COL5A1: variants seen among roughly 807,000 people sequenced by gnomAD.
COL5A1 encodes the protein collagen alpha-1(V) chain.
In COL5A1, 16 loss-of-function variants were observed where a neutral mutation model predicts 263.7. That is an observed-to-expected ratio of 0.06 (90% confidence interval 0.04 to 0.09). The LOEUF is 0.09. Among genes scored for constraint, COL5A1 ranks in the 10% least tolerant of loss-of-function variants. COL5A1 has a pLI of 1.00. For missense variants in COL5A1, 2,036 were observed against 2,540.5 expected, an observed-to-expected ratio of 0.80 and a Z score of 4.27; for synonymous variants, 1,012 against 1,004.5, an observed-to-expected ratio of 1.01 and a Z score of -0.14.
chr9:134,673,266 G>T (rs1028614958), intron 1 of COL5A1, among the ~76,000 whole-genome samples: 1 of 152,138 alleles, frequency 6.6e-6, no homozygotes, highest in East Asian at 1.9e-4. Context: ...TTTGAGACTT[G>T]CTCTAAAGCT....
intron 25 of COL5A1, among the ~76,000 whole-genome samples, chr9:134,772,479 G>C (rs529709160): frequency 8.7e-4 from 132 of 152,350 alleles, no homozygotes; most frequent in African/African-American, 3.0e-3. Flanking sequence ...CCACCGTGCA[G>C]GTCACCTGTG....
At chr9:134,836,009 A>C (rs966675819) in intron 65 of COL5A1, among the ~76,000 whole-genome samples, 2 of 152,192 alleles carry the variant, frequency 1.3e-5, no homozygotes, top group African/African-American at 4.8e-5. Flanking sequence ...GGAATCGCTG[A>C]GAATTCCAGC....
At chr9:134,739,394 G>A (rs2132657214) in intron 11 of COL5A1, among the ~76,000 whole-genome samples, 1 of 152,368 alleles carries the variant, frequency 6.6e-6, no homozygotes, top group African/African-American at 2.4e-5. Flanking sequence ...GAATGAATGT[G>A]GATTTGAGTG....
intron 6 of COL5A1, among the ~76,000 whole-genome samples, chr9:134,729,071 G>T (rs758615262): frequency 6.6e-6 from 1 of 152,218 alleles, no homozygotes; most frequent in African/African-American, 2.4e-5. Flanking sequence ...CCCTGGCCCC[G>T]GTCCCCACCC....
chr9:134,792,905 ACGCGCGTGTGTGTG>A (rs1165230959), intron 32 of COL5A1, among the ~76,000 whole-genome samples: 2 of 29,670 alleles, frequency 6.7e-5, no homozygotes, highest in Non-Finnish European at 1.6e-4. Flanking sequence ...GCGTGTGTGC[ACGCGCGTGTGTGTG>A]CGCATGTGTA....
rs373653069 is a variant in COL5A1 at position 134,820,177 on chromosome 9, G to A, written c.4508G>A (p.Arg1503His). The change falls in exon 58 of 66, where the codon CGT becomes CAT. Residue 1503 changes from arginine (R) to histidine (H), a missense_variant. Arg to His is a conservative substitution (Grantham distance 29). Coordinates refer to ENST00000371817, the MANE Select transcript of COL5A1 (RefSeq NM_000093.5). ...PPGEQGEKGD[R>H]GLPGPQGSSG... Reference sequence around the variant, plus strand: ...GGTGAACAGGGTGAGAAGGGCGACCGTGGTCTCCCTGGCCCCCAGGGCTCC... The same window carrying A: ...GGTGAACAGGGTGAGAAGGGCGACCATGGTCTCCCTGGCCCCCAGGGCTCC... 19 of 1,613,844 alleles carry A rather than the reference G, an allele frequency of 1.2e-5. No individual in the cohort carries two copies. Among genetic ancestry groups the A allele is most frequent in the Admixed American group, 3.3e-5 (2 of 60,000 alleles).
chr9:134,670,771 C>T (rs1220441252), intron 1 of COL5A1, among the ~76,000 whole-genome samples: 1 of 152,234 alleles, frequency 6.6e-6, no homozygotes, highest in African/African-American at 2.4e-5. Flanking sequence ...ACTAGATGCT[C>T]ATTACTTTCC....
rs1261281685 is a variant in COL5A1, at chr9:134,764,101, C to T, written c.2034+364C>T. 8.7e-5 allele frequency among the ~76,000 whole-genome samples: 3 copies of T among 34,504 alleles called. No homozygotes were observed. The Admixed American group carries it at 1.3e-3, about 15-fold the overall frequency. The allele number at this position is 34,504 out of a possible 152,430, so 22.6% of individuals were successfully genotyped here. A position where few individuals can be genotyped will look rare whatever the true frequency, so the allele number is the denominator to read the frequency against. ...AGGGCATCGTGGTGGGGTCCGGGGT[C>T]AGTGTGGGGTGTCCGAGGGCATGGG... is the stretch of plus-strand genomic sequence containing the variant. On this transcript the variant is annotated intron_variant, in intron 20 of 65. Transcript: ENST00000371817.
At chr9:134,690,135 G>A (rs971325104) in intron 1 of COL5A1, among the ~76,000 whole-genome samples, 3 of 152,146 alleles carry the variant, frequency 2.0e-5, no homozygotes, top group Admixed American at 6.6e-5. Context: ...GCCCTTCCCT[G>A]AGAGCCCCTG....
chr9:134,731,985 G>T, intron 8 of COL5A1, 86 bp from the exon 9 acceptor site: 9 of 1,513,858 alleles, frequency 5.9e-6, no homozygotes, highest in Non-Finnish European at 8.3e-6. Flanking sequence ...TCGGCCTTGC[G>T]AAATCGGGCA....
At chr9:134,767,881 G>T (rs993759791) in intron 24 of COL5A1, among the ~76,000 whole-genome samples, 1 of 152,168 alleles carries the variant, frequency 6.6e-6, no homozygotes, top group Non-Finnish European at 1.5e-5. Flanking sequence ...ACCTCCAAGG[G>T]GCTGGTTCTG....
In COL5A1 at chr9:134,805,183, A is replaced by G. The variant is rs1838252619; in HGVS notation, c.3227A>G (p.Asn1076Ser). Residue 1076 changes from asparagine to serine, a missense_variant, in exon 41 of 66, where the codon AAT (asparagine) becomes AGT (serine). Asn to Ser is a conservative substitution (Grantham distance 46). Coordinates refer to ENST00000371817, the MANE Select transcript of COL5A1 (RefSeq NM_000093.5). Reference protein sequence around the residue: ...GPVGALGLKGNEGPPGPPGPA... With the variant: ...GPVGALGLKGSEGPPGPPGPA... Reference sequence around the variant, plus strand: ...CAGGGAGCTCTTGGACTGAAAGGCAATGAAGGGCCCCCTGGCCCACCAGGC... The same window carrying G: ...CAGGGAGCTCTTGGACTGAAAGGCAGTGAAGGGCCCCCTGGCCCACCAGGC... 5.6e-6 allele frequency: 9 copies of G among 1,613,896 alleles called. No individual in the cohort carries two copies. The highest frequency in any genetic ancestry group is 7.6e-6 in the Non-Finnish European group (9 of 1,180,024).
rs768455065 is a variant in COL5A1, at chr9:134,752,571, T to C, written c.1663-18T>C. 2 of 1,608,986 alleles carry C rather than the reference T, an allele frequency of 1.2e-6. No individual in the cohort carries two copies. The highest frequency in any genetic ancestry group is 3.3e-5 in the Admixed American group (2 of 60,004). On this transcript the variant is annotated intron_variant, in intron 13 of 65. Transcript: ENST00000371817. ...GCTGCTGGGGCCCTGTCTCAGCGTG[T>C]CTCACTTTCCTTTGCAGTTGGCACT... is the stretch of plus-strand genomic sequence containing the variant.
At chr9:134,750,742 G>C (rs1835746471) in intron 12 of COL5A1, 48 bp from the exon 13 acceptor site, 1 of 1,606,736 alleles carries the variant, frequency 6.2e-7, no homozygotes, top group Non-Finnish European at 8.5e-7. Context: ...GGTCTTGCCT[G>C]GGTGCCACGT....
chr9:134,734,723 T>C (rs1397769160), intron 9 of COL5A1, among the ~76,000 whole-genome samples: 1 of 152,192 alleles, frequency 6.6e-6, no homozygotes, highest in East Asian at 1.9e-4. Context: ...TCCTTGTGCT[T>C]CCAGGCAGGA....
rs1047137760 is a variant in COL5A1 at position 134,755,113 on chromosome 9, T to A, written c.1827+787T>A. Among the ~76,000 whole-genome samples the A allele has an allele frequency of 4.6e-5, 7 of 152,132 alleles. No individual in the cohort carries two copies. The highest frequency in any genetic ancestry group is 1.7e-4 in the African/African-American group (7 of 41,434). On this transcript the variant is annotated intron_variant, in intron 16 of 65. Coordinates refer to ENST00000371817, the MANE Select transcript of COL5A1 (RefSeq NM_000093.5). The surrounding 1 kb of genome is among the most constrained non-coding windows in gnomAD (Gnocchi z 4.1). Reference sequence around the variant, plus strand: ...TGGTTAGTGGGTAGAAATGACCCGATAAGCCGCAGTTTGGCAGGTCCGAGG... The same window carrying A: ...TGGTTAGTGGGTAGAAATGACCCGAAAAGCCGCAGTTTGGCAGGTCCGAGG...
intron 52 of COL5A1, 127 bp downstream of exon 52, chr9:134,816,115 A>G: frequency 1.2e-6 from 1 of 861,534 alleles, no homozygotes; most frequent in Non-Finnish European, 2.0e-6. Context: ...TATGATATCG[A>G]TTCCCTTATG....
intron 6 of COL5A1, among the ~76,000 whole-genome samples, chr9:134,729,469 A>G (rs62571356): frequency 2.1e-4 from 31 of 149,774 alleles, no homozygotes; most frequent in South Asian, 4.3e-4. Flanking sequence ...GTGTGTGAGC[A>G]TGTGGCATGC....
At chr9:134,770,686 TAC>T (rs1035662974) in intron 25 of COL5A1, among the ~76,000 whole-genome samples, 128 of 152,326 alleles carry the variant, frequency 8.4e-4, no homozygotes, top group African/African-American at 2.8e-3. Flanking sequence ...ATGATGAACA[TAC>T]GTTACTTTTT....
Sources: gnomAD v4.1 joint callset for allele counts (sites outside exome capture counted in the v4.1 genomes callset) on GRCh38, gnomAD v4.1.1 for gene constraint, Gnocchi (gnomAD v3.1) non-coding constraint, MANE v1.5 for transcripts, NCBI Gene and HGNC (gene_info 2026-07-23, HGNC 2026-07-21) for gene names.